Variants in ARB2A observed in about 807,000 individuals in gnomAD.
ARB2A encodes the protein ARB2 cotranscriptional regulator A.
At chr5:93,881,522 T>C in the ARB2A span, 2 of 1,610,718 alleles carry the variant, frequency 1.2e-6, no homozygotes, top group South Asian at 2.2e-5. Context: ...ACGATACTTC[T>C]CATAGAAATC....
the ARB2A span, chr5:93,620,295 G>T: frequency 3.9e-5 from 6 of 152,094 alleles, no homozygotes; most frequent in African/African-American, 7.2e-5. Context: ...CTGGCAAAAG[G>T]ATTTTCAGCA....
the ARB2A span, among the ~76,000 whole-genome samples, chr5:93,654,036 TG>T: frequency 6.6e-6 from 1 of 152,230 alleles, no homozygotes; most frequent in Non-Finnish European, 1.5e-5. Context: ...GAATTACTCT[TG>T]TATGCTGGAC....
chr5:93,833,126 C>G, the ARB2A span, among the ~76,000 whole-genome samples: 1 of 152,142 alleles, frequency 6.6e-6, no homozygotes, highest in Non-Finnish European at 1.5e-5. Flanking sequence ...CTTCTCTACT[C>G]TATTTGTTTA....
chr5:93,730,604 T>C, the ARB2A span, among the ~76,000 whole-genome samples: 1 of 152,182 alleles, frequency 6.6e-6, no homozygotes. Context: ...CTAAACTTGT[T>C]CTCTTCTGTT....
chr5:93,627,824 A>C, the ARB2A span, among the ~76,000 whole-genome samples: 1 of 152,202 alleles, frequency 6.6e-6, no homozygotes, highest in Admixed American at 6.5e-5. Flanking sequence ...TTGTGTTAGC[A>C]GGAATGAAAA....
chr5:94,093,748 G>A, the ARB2A span, among the ~76,000 whole-genome samples: 1 of 152,208 alleles, frequency 6.6e-6, no homozygotes, highest in African/African-American at 2.4e-5. Flanking sequence ...AATGTTCAAA[G>A]TTTCATCTAA....
chr5:93,812,561 A>G, the ARB2A span, among the ~76,000 whole-genome samples: 1 of 152,138 alleles, frequency 6.6e-6, no homozygotes, highest in South Asian at 2.1e-4. Context: ...CAGAAAGATA[A>G]ATATAAAGTT....
chr5:93,660,989 T>C, the ARB2A span, among the ~76,000 whole-genome samples: 1 of 152,122 alleles, frequency 6.6e-6, no homozygotes, highest in Non-Finnish European at 1.5e-5. Context: ...AAGCCTATAA[T>C]TTAAAACAGT....
At chr5:93,959,479 A>G in the ARB2A span, among the ~76,000 whole-genome samples, 3 of 152,104 alleles carry the variant, frequency 2.0e-5, no homozygotes, top group East Asian at 3.9e-4. Flanking sequence ...ATAATAAAAA[A>G]TAGAAAACTA....
the ARB2A span, among the ~76,000 whole-genome samples, chr5:94,091,695 A>T: frequency 1.3e-5 from 2 of 152,216 alleles, no homozygotes; most frequent in Non-Finnish European, 2.9e-5. Flanking sequence ...TTCAGGAGAA[A>T]TCAAAAGCCC....
chr5:93,954,853 T>C, the ARB2A span, among the ~76,000 whole-genome samples: 1 of 152,120 alleles, frequency 6.6e-6, no homozygotes, highest in African/African-American at 2.4e-5. Flanking sequence ...GTGATTCCTC[T>C]CTGGGTAGGG....
At chr5:93,691,575 G>A in the ARB2A span, among the ~76,000 whole-genome samples, 1 of 152,002 alleles carries the variant, frequency 6.6e-6, no homozygotes, top group Admixed American at 6.6e-5. Flanking sequence ...AAGTGACGGG[G>A]AGAATGGAAC....
At chr5:93,743,899 C>A in the ARB2A span, among the ~76,000 whole-genome samples, 3 of 152,146 alleles carry the variant, frequency 2.0e-5, no homozygotes, top group East Asian at 1.9e-4. Context: ...ATCTCCTGAC[C>A]TTGTGATCCG....
the ARB2A span, among the ~76,000 whole-genome samples, chr5:93,750,258 A>G: frequency 1.3e-5 from 2 of 152,220 alleles, no homozygotes; most frequent in Admixed American, 6.5e-5. Flanking sequence ...AAAATAATTA[A>G]ATTTGGATTA....
At chr5:93,656,342 C>T in the ARB2A span, among the ~76,000 whole-genome samples, 1 of 152,152 alleles carries the variant, frequency 6.6e-6, no homozygotes, top group African/African-American at 2.4e-5. Context: ...CATTTTGCTT[C>T]TAACCTGCTA....
At chr5:93,982,431 C>T in the ARB2A span, among the ~76,000 whole-genome samples, 1 of 152,108 alleles carries the variant, frequency 6.6e-6, no homozygotes, top group Non-Finnish European at 1.5e-5. Context: ...TGCACAGACA[C>T]ACAAATATAT....
At chr5:93,717,145 G>A in the ARB2A span, among the ~76,000 whole-genome samples, 1 of 152,040 alleles carries the variant, frequency 6.6e-6, no homozygotes, top group Non-Finnish European at 1.5e-5. Flanking sequence ...GGTATCTATT[G>A]AGCAAATGCT....
the ARB2A span, chr5:93,682,959 T>C: frequency 1.3e-6 from 2 of 1,581,822 alleles, no homozygotes; most frequent in Non-Finnish European, 1.7e-6. Context: ...CCTTTTTCTA[T>C]ACTTGCTTGC....
At chr5:94,029,417 G>A in the ARB2A span, among the ~76,000 whole-genome samples, 9 of 152,050 alleles carry the variant, frequency 5.9e-5, no homozygotes, top group African/African-American at 1.4e-4. Flanking sequence ...TTATCTTTTC[G>A]TATGTCCTGT....
Sources: gnomAD v4.1 joint callset for allele counts (sites outside exome capture counted in the v4.1 genomes callset) on GRCh38, gnomAD v4.1.1 for gene constraint, MANE v1.5 for transcripts, NCBI Gene and HGNC (gene_info 2026-07-23, HGNC 2026-07-21) for gene names.